ZFP91: variants seen among roughly 807,000 people sequenced by gnomAD.
The protein encoded by ZFP91 is E3 ubiquitin-protein ligase ZFP91.
In ZFP91, 7 loss-of-function variants were observed where a neutral mutation model predicts 63.5. The ratio of observed to expected loss-of-function variants is 0.11; its 90% CI spans 0.06 to 0.21. The LOEUF (loss-of-function observed/expected upper bound fraction) is 0.21, where lower values mean the gene tolerates loss of function less well. Ranked by LOEUF, ZFP91 falls within the 10% of genes least tolerant of loss-of-function variation. ZFP91 has a pLI of 1.00. For synonymous variants in ZFP91, 330 were observed against 272.1 expected (o/e 1.21, Z -2.10); for missense variants, 628 against 736.6 (o/e 0.85, Z 1.71).
At chr11:58,607,264 T>C (rs1482325604) in intron 2 of ZFP91, among the ~76,000 whole-genome samples, 1 of 152,210 alleles carries the variant, frequency 6.6e-6, no homozygotes, top group African/African-American at 2.4e-5. Flanking sequence ...ATGAAATTGT[T>C]TTAAAAGTAG....
chr11:58,599,629 T>C (rs1565220580), intron 2 of ZFP91, among the ~76,000 whole-genome samples: 1 of 152,108 alleles, frequency 6.6e-6, no homozygotes, highest in Non-Finnish European at 1.5e-5. Flanking sequence ...TTTTGGCCTT[T>C]TGTATATCTC....
At chr11:58,595,866 C>A (rs564499186) in intron 2 of ZFP91, among the ~76,000 whole-genome samples, 24 of 152,048 alleles carry the variant, frequency 1.6e-4, no homozygotes, top group Non-Finnish European at 7.4e-5. Flanking sequence ...TGAGCCAGCA[C>A]GCCTGGCCTA....
rs984594434 is a variant in ZFP91 at position 58,581,446 on chromosome 11, C to T, written c.341+1824C>T. Among the ~76,000 whole-genome samples, 6 of 152,134 alleles carry T rather than the reference C, an allele frequency of 3.9e-5. No homozygotes were observed. The South Asian group carries it at 6.2e-4, about 16-fold the overall frequency. ...GATGATCTCTGCACACTGCAACCTC[C>T]GCCTCCTGGCTTCAAGCAATTCTCC... On this transcript the variant is annotated intron_variant, in intron 1 of 10. Coordinates refer to ENST00000316059, the MANE Select transcript of ZFP91 (RefSeq NM_053023.5).
chr11:58,594,718 A>C (rs1243521925), intron 2 of ZFP91, among the ~76,000 whole-genome samples: 2 of 152,244 alleles, frequency 1.3e-5, no homozygotes, highest in African/African-American at 4.8e-5. Context: ...AATAAGAAAG[A>C]AAAATCTAGG....
chr11:58,593,893 T>C (rs1855350923), intron 2 of ZFP91, among the ~76,000 whole-genome samples: 1 of 152,228 alleles, frequency 6.6e-6, no homozygotes, highest in Non-Finnish European at 1.5e-5. Context: ...AGTTATTCTC[T>C]AGTCCTGTCT....
chr11:58,618,576 A>ATTT lies in ZFP91; in HGVS notation c.*880_*882dup, dbSNP rs11426880. The ATTT allele has an allele frequency of 4.0e-4, 146 of 363,070 alleles. No homozygotes were observed. The highest frequency in any genetic ancestry group is 7.6e-4 in the Middle Eastern group (2 of 2,634). The allele number at this position is 363,070 out of a possible 1,614,324, so 22.5% of individuals were successfully genotyped here. On this transcript the variant is annotated 3_prime_UTR_variant, in exon 11 of 11. Transcript: ENST00000316059. ...TCCTTATTTATTAACAGGAAGTCTG[A>ATTT]TTTTTTTTTTTTGGAGTCTTTGTTG...
At chr11:58,594,701 TGACTA>T (rs1223846136) in intron 2 of ZFP91, among the ~76,000 whole-genome samples, 1 of 152,226 alleles carries the variant, frequency 6.6e-6, no homozygotes, top group African/African-American at 2.4e-5. Context: ...TAAACAGAGA[TGACTA>T]GAATAAGAAA....
chr11:58,612,949 A>G (rs1855691493), intron 8 of ZFP91, 109 bp downstream of exon 8: 1 of 918,794 alleles, frequency 1.1e-6, no homozygotes, highest in South Asian at 1.7e-5. Context: ...TTGACATGTA[A>G]TGTCAAGAAA....
chr11:58,607,927 A>G (rs1855594893), intron 2 of ZFP91, among the ~76,000 whole-genome samples: 1 of 151,970 alleles, frequency 6.6e-6, no homozygotes, highest in African/African-American at 2.4e-5. Context: ...AATACAGTTA[A>G]CCTCCATGTG....
chr11:58,581,479 T>A (rs1855115415), intron 1 of ZFP91, among the ~76,000 whole-genome samples: 2 of 152,122 alleles, frequency 1.3e-5, no homozygotes, highest in South Asian at 4.1e-4. Flanking sequence ...TCCTGCCTCG[T>A]CATCCCAAGC....
At chr11:58,591,704 TTGTATATAGGAAGCATTATGCAA>T (rs1311613854) in intron 2 of ZFP91, among the ~76,000 whole-genome samples, 2 of 152,166 alleles carry the variant, frequency 1.3e-5, no homozygotes, top group East Asian at 3.8e-4. Context: ...CAATTTGTGT[TTGTATATAGGAAGCATTATGCAA>T]TGTATGTAGG....
intron 2 of ZFP91, among the ~76,000 whole-genome samples, chr11:58,592,761 A>G (rs986004606): frequency 6.6e-6 from 1 of 152,204 alleles, no homozygotes; most frequent in African/African-American, 2.4e-5. Context: ...TGCACTGTGT[A>G]TTAGTCCCTT....
At chr11:58,581,255 A>G (rs1161993176) in intron 1 of ZFP91, among the ~76,000 whole-genome samples, 3 of 152,230 alleles carry the variant, frequency 2.0e-5, no homozygotes, top group African/African-American at 7.2e-5. Context: ...AGAGGGTAAT[A>G]CTTAAAATAT....
At chr11:58,582,902 G>A (rs567438389) in intron 1 of ZFP91, among the ~76,000 whole-genome samples, 124 of 152,122 alleles carry the variant, frequency 8.2e-4, no homozygotes, top group Non-Finnish European at 1.5e-3. Flanking sequence ...AGAGTTAAAT[G>A]CTAGAATCAT....
At chr11:58,597,287 G>A (rs1855419371) in intron 2 of ZFP91, among the ~76,000 whole-genome samples, 1 of 152,164 alleles carries the variant, frequency 6.6e-6, no homozygotes, top group Non-Finnish European at 1.5e-5. Context: ...AAACAGTGGA[G>A]TTAGCCTATC....
intron 2 of ZFP91, among the ~76,000 whole-genome samples, chr11:58,608,899 G>A (rs932755768): frequency 7.9e-5 from 12 of 152,108 alleles, no homozygotes; most frequent in Admixed American, 3.3e-4. Context: ...CACTGAGCCC[G>A]GCCTGTTAGT....
chr11:58,612,292 G>A lies in ZFP91; in HGVS notation c.872G>A (p.Arg291Gln), dbSNP rs771455127. ...TTCAATTACAGGAGAGGAAGAAGACGAAAAGATGACAAAAGTCCACGTTTA... is the reference window on the plus strand; with the variant it reads ...TTCAATTACAGGAGAGGAAGAAGACAAAAAGATGACAAAAGTCCACGTTTA... ...EEPPRKRGRRRKDDKSPRLPK... is the reference protein window; with the variant it reads ...EEPPRKRGRRQKDDKSPRLPK... Residue 291 changes from arginine to glutamine, a missense_variant, in exon 7 of 11, where the codon CGA becomes CAA. Transcript: ENST00000316059. 8 of 1,613,608 alleles carry A rather than the reference G, an allele frequency of 5.0e-6. No homozygotes were observed. Among genetic ancestry groups the A allele is most frequent in the Admixed American group, 3.3e-5 (2 of 59,980 alleles).
intron 2 of ZFP91, among the ~76,000 whole-genome samples, chr11:58,605,065 T>C (rs1314337291): frequency 6.6e-6 from 1 of 152,244 alleles, no homozygotes; most frequent in East Asian, 1.9e-4. Context: ...TATAGCAGTG[T>C]ACCATCTTCT....
chr11:58,603,085 C>T (rs944873903), intron 2 of ZFP91, among the ~76,000 whole-genome samples: 11 of 152,076 alleles, frequency 7.2e-5, no homozygotes, highest in African/African-American at 2.2e-4. Flanking sequence ...AAATGATGAA[C>T]ATGTTATTGG....
Sources: allele counts gnomAD v4.1 joint callset (sites outside exome capture counted in the v4.1 genomes callset), GRCh38; gene constraint gnomAD v4.1.1; transcripts MANE v1.5; gene names NCBI Gene and HGNC (gene_info 2026-07-23, HGNC 2026-07-21).